The following ELP1 variants were observed in gnomAD, a reference collection of about 807,000 sequenced individuals.
The protein encoded by ELP1 is elongator acetyltransferase complex subunit 1.
A neutral mutation model predicts 183.2 loss-of-function variants in ELP1; 131 were observed. The ratio of observed to expected loss-of-function variants is 0.72; its 90% CI spans 0.62 to 0.83. The LOEUF (loss-of-function observed/expected upper bound fraction) is 0.83, where lower values mean the gene tolerates loss of function less well. Among genes scored for constraint, ELP1 ranks in the 40% least tolerant of loss-of-function variants. ELP1 has a pLI of 0.00. For synonymous variants in ELP1, 555 were observed against 569.0 expected (o/e 0.98, Z 0.35); for missense variants, 1,550 against 1,594.9 (o/e 0.97, Z 0.48).
At position 108,900,252 on chromosome 9, in the gene ELP1, C is replaced by T. The variant is rs1828718037; in HGVS notation, c.2130+8G>A. 1.3e-6 allele frequency: 2 copies of T among 1,595,458 alleles called. No homozygotes were observed. Among genetic ancestry groups the T allele is most frequent in the African/African-American group, 1.3e-5 (1 of 74,534 alleles). ...AGACTATCTATCTTGTCTGAAAAAC[C>T]AGCTTACCTGTAATACAAGCTTTGT... On this transcript the variant is annotated splice_region_variant and intron_variant, in intron 19 of 36. Coordinates refer to ENST00000374647, the MANE Select transcript of ELP1 (RefSeq NM_003640.5).
In ELP1 at chr9:108,896,570, T is replaced by A. The variant is rs752349406; in HGVS notation, c.2662A>T (p.Asn888Tyr). Residue 888 changes from asparagine to tyrosine, a missense_variant, in exon 25 of 37, where the codon AAT becomes TAT. Physicochemically the swap from Asn to Tyr is moderately radical, Grantham distance 143. Coordinates refer to ENST00000374647, the MANE Select transcript of ELP1 (RefSeq NM_003640.5). ...CCAAGAGAATGATCATATAATTCAT[T>A]AACATCTACCAGATGCAGCAAATAT... ...LKYLLHLVDV[N>Y]ELYDHSLGTY... 2 of 1,613,860 alleles carry A rather than the reference T, an allele frequency of 1.2e-6. No individual in the cohort carries two copies. Among genetic ancestry groups the A allele is most frequent in the East Asian group, 4.5e-5 (2 of 44,874 alleles).
intron 11 of ELP1, among the ~76,000 whole-genome samples, chr9:108,911,868 G>T (rs1829234955): frequency 6.6e-6 from 1 of 152,046 alleles, no homozygotes; most frequent in Non-Finnish European, 1.5e-5. Flanking sequence ...GCAAGCATTT[G>T]TATCAGGAAA....
chr9:108,889,770 C>T, intron 28 of ELP1: 1 of 305,112 alleles, frequency 3.3e-6, no homozygotes, highest in East Asian at 8.0e-5. Context: ...CCTAGAATCA[C>T]TCTCAGCCCA....
chr9:108,898,181 A>G (rs148725158), intron 22 of ELP1, among the ~76,000 whole-genome samples: 2 of 152,226 alleles, frequency 1.3e-5, no homozygotes, highest in African/African-American at 4.8e-5. Flanking sequence ...TGTTTCATTA[A>G]AAAGTTGAGG....
At position 108,899,801 on chromosome 9, in the gene ELP1, A is replaced by C. The variant is rs757088472; in HGVS notation, c.2204+21T>G. ...CATAAATCACAAGCTAACTAGTCGCAAACAGTACAATGGCACTTACTTGTC... is the reference window on the plus strand; with the variant it reads ...CATAAATCACAAGCTAACTAGTCGCCAACAGTACAATGGCACTTACTTGTC... On this transcript the variant is annotated intron_variant, in intron 20 of 36. Transcript: ENST00000374647. 4 of 1,601,218 alleles carry C rather than the reference A, an allele frequency of 2.5e-6. No homozygotes were observed. In the South Asian group the frequency reaches 4.4e-5, roughly 18 times the overall value.
At chr9:108,911,480 C>T (rs569361460) in intron 11 of ELP1, among the ~76,000 whole-genome samples, 1 of 152,282 alleles carries the variant, frequency 6.6e-6, no homozygotes, top group East Asian at 1.9e-4. Flanking sequence ...AAACCTGGGC[C>T]TGCAACCAAG....
At chr9:108,880,230 G>A (rs1324173575) in intron 31 of ELP1, 65 bp from the exon 32 acceptor site, 12 of 1,057,618 alleles carry the variant, frequency 1.1e-5, no homozygotes, top group African/African-American at 3.1e-5. Context: ...AACTAAAGGC[G>A]GGGAGCAGTG....
In ELP1 at chr9:108,901,493, T is replaced by C. The variant is rs201520655; in HGVS notation, c.1946A>G (p.Glu649Gly). The C allele has an allele frequency of 6.2e-7, 1 of 1,614,066 alleles. No individual in the cohort carries two copies. ...GGAATGGGTTGTCAACAATAAAAAC[T>C]CATCATATACTGCAAATGACGTGAT... is the stretch of plus-strand genomic sequence containing the variant. Reference protein sequence around the residue: ...SNITSFAVYDEFLLLTTHSHT... With the variant: ...SNITSFAVYDGFLLLTTHSHT... The change falls in exon 18 of 37, where the codon GAG (glutamate) becomes GGG (glycine). Residue 649 changes from glutamate (E) to glycine (G), a missense_variant. By Grantham distance (98) the Glu-to-Gly change is moderately conservative. Coordinates refer to ENST00000374647, the MANE Select transcript of ELP1 (RefSeq NM_003640.5).
At chr9:108,892,566 G>A (rs1219188804) in intron 27 of ELP1, among the ~76,000 whole-genome samples, 1 of 152,146 alleles carries the variant, frequency 6.6e-6, no homozygotes, top group Non-Finnish European at 1.5e-5. Flanking sequence ...ATTGTGTACA[G>A]CACCCTATGA....
intron 14 of ELP1, among the ~76,000 whole-genome samples, chr9:108,905,868 TACACACACACACAC>T (rs35044796): frequency 6.8e-6 from 1 of 147,954 alleles, no homozygotes; most frequent in East Asian, 2.0e-4. Context: ...AAGGTATGTA[TACACACACACACAC>T]ACACACACAC....
chr9:108,932,234 G>A (rs1034569446), intron 1 of ELP1, among the ~76,000 whole-genome samples: 2 of 152,214 alleles, frequency 1.3e-5, no homozygotes, highest in African/African-American at 2.4e-5. Flanking sequence ...TAAGAGAAAG[G>A]TAAGTTTATA....
In ELP1 at chr9:108,880,098, T is replaced by A; in HGVS notation, c.3414A>T (p.Leu1138Phe). The A allele has an allele frequency of 6.2e-7, 1 of 1,614,146 alleles. No homozygotes were observed. Among genetic ancestry groups the A allele is most frequent in the Non-Finnish European group, 8.5e-7 (1 of 1,180,008 alleles). ...TATFSRHKKR[L>F]LVVRELKEQA... ...GCTCCTTGAGCTCTCGAACTACCAA[T>A]AAACGTTTCTTGTGGCGACTGAATG... Residue 1138 changes from leucine (L) to phenylalanine (F), a missense_variant, in exon 32 of 37, where the codon TTA (leucine) becomes TTT (phenylalanine). Leu to Phe is a conservative substitution (Grantham distance 22, BLOSUM62 0). Transcript: ENST00000374647.
Position 108,901,455 on chromosome 9 carries a change from A to G in ELP1, c.1984T>C (p.Cys662Arg). The G allele has an allele frequency of 1.2e-6, 2 of 1,613,870 alleles. No individual in the cohort carries two copies. Among genetic ancestry groups the G allele is most frequent in the East Asian group, 2.2e-5 (1 of 44,886 alleles). Residue 662 changes from cysteine (C) to arginine (R), a missense_variant, in exon 18 of 37, where the codon TGT (cysteine) becomes CGT (arginine). Cys to Arg is a radical substitution (Grantham distance 180, BLOSUM62 -3). Transcript: ENST00000374647. ...LLTTHSHTCQ[C>R]FCLRDASFKT... ...AATGAAGCATCCCTCAGGCAAAAACACTGGCAGGTATGGGAATGGGTTGTC... is the reference window on the plus strand; with the variant it reads ...AATGAAGCATCCCTCAGGCAAAAACGCTGGCAGGTATGGGAATGGGTTGTC...
chr9:108,929,709 T>C (rs1436475014), intron 3 of ELP1, 60 bp downstream of exon 3: 6 of 1,566,210 alleles, frequency 3.8e-6, no homozygotes, highest in Non-Finnish European at 4.4e-6. Context: ...CTTCCACAAA[T>C]AGCAAGTAAC....
At chr9:108,872,804 GAAAAAAAAAAAAAA>G (rs58139943) in intron 36 of ELP1, among the ~76,000 whole-genome samples, 66 of 83,378 alleles carry the variant, frequency 7.9e-4, no homozygotes, top group African/African-American at 5.0e-3. Flanking sequence ...GACTCTGTCT[GAAAAAAAAAAAAAA>G]AAAAAAAAAA....
chr9:108,906,789 C>G (rs1271019089), intron 13 of ELP1, among the ~76,000 whole-genome samples: 1 of 152,148 alleles, frequency 6.6e-6, no homozygotes, highest in Non-Finnish European at 1.5e-5. Flanking sequence ...TAATGAACCC[C>G]AGAGCTTTTC....
At chr9:108,920,245 C>T (rs1347707078) in intron 6 of ELP1, among the ~76,000 whole-genome samples, 1 of 151,868 alleles carries the variant, frequency 6.6e-6, no homozygotes, top group Non-Finnish European at 1.5e-5. Flanking sequence ...CAGGCCCAAC[C>T]CTTGGTATCC....
rs1388733875 is a variant in ELP1, at chr9:108,930,983, C to T, written c.150+14G>A. 5 of 1,613,798 alleles carry T rather than the reference C, an allele frequency of 3.1e-6. No homozygotes were observed. In the East Asian group the frequency reaches 6.7e-5, roughly 22 times the overall value. ...GTCATACCCACATGCTGGCATTCTA[C>T]ATCAGTAACTTACTTCTCTTGAGAC... is the stretch of plus-strand genomic sequence containing the variant. On this transcript the variant is annotated intron_variant, in intron 2 of 36. Coordinates refer to ENST00000374647, the MANE Select transcript of ELP1 (RefSeq NM_003640.5).
intron 20 of ELP1, among the ~76,000 whole-genome samples, chr9:108,899,299 C>CAA (rs986833459): frequency 7.7e-6 from 1 of 130,090 alleles, no homozygotes; most frequent in Non-Finnish European, 1.6e-5. Context: ...GACTCTGTCT[C>CAA]AAAAAAAAAA....
Sources: gnomAD v4.1 joint callset for allele counts (sites outside exome capture counted in the v4.1 genomes callset) on GRCh38, gnomAD v4.1.1 for gene constraint, MANE v1.5 for transcripts, NCBI Gene and HGNC (gene_info 2026-07-23, HGNC 2026-07-21) for gene names.